Variants in DYM observed in about 807,000 individuals in gnomAD.
DYM encodes the protein dymeclin.
DYM carries 78 observed loss-of-function variants against 93.1 expected under a neutral mutation model. That is an observed-to-expected ratio of 0.84 (90% confidence interval 0.70 to 1.01). DYM has a LOEUF of 1.01. Ranked by LOEUF, DYM falls within the 50% of genes least tolerant of loss-of-function variation. The probability of loss-of-function intolerance (pLI) is 0.00; values close to 1 mark genes in which losing one functional copy is unlikely to be tolerated. For synonymous variants in DYM, 321 were observed against 319.7 expected, an observed-to-expected ratio of 1.00 and a Z score of -0.04; for missense variants, 789 against 845.0, an observed-to-expected ratio of 0.93 and a Z score of 0.82.
chr18:49,177,863 A>G (rs148884519), intron 14 of DYM, among the ~76,000 whole-genome samples: 250 of 152,070 alleles, frequency 1.6e-3, no homozygotes, highest in African/African-American at 5.5e-3. Flanking sequence ...ATGATCCCTC[A>G]TTTTCCTTTT....
In DYM at chr18:49,043,999, A is replaced by G; in HGVS notation, c.*56T>C. ...TGTCTACTTCTGTTACCCAGAAATA[A>G]AAGAACTTGAAGGGCTGCTTGGCTG... is the stretch of plus-strand genomic sequence containing the variant. On this transcript the variant is annotated 3_prime_UTR_variant, in exon 18 of 18. Coordinates refer to ENST00000675505, the MANE Select transcript of DYM (RefSeq NM_001353214.3). 1 of 1,605,074 alleles carries G rather than the reference A, an allele frequency of 6.2e-7. No homozygotes were observed. Among genetic ancestry groups the G allele is most frequent in the South Asian group, 1.1e-5 (1 of 90,126 alleles).
At chr18:49,230,569 G>C (rs2093665851) in intron 13 of DYM, among the ~76,000 whole-genome samples, 2 of 152,122 alleles carry the variant, frequency 1.3e-5, no homozygotes, top group African/African-American at 4.8e-5. Flanking sequence ...CCTGAGAAAA[G>C]CTTACCACAC....
chr18:49,086,033 T>A (rs2078493383), intron 17 of DYM, among the ~76,000 whole-genome samples: 17 of 152,240 alleles, frequency 1.1e-4, no homozygotes. Flanking sequence ...ATCACACAGC[T>A]TAATGTTTCC....
chr18:49,039,016 A>G lies in DYM; in HGVS notation c.*5039T>C, dbSNP rs1032290384. On this transcript the variant is annotated 3_prime_UTR_variant, in exon 18 of 18. Coordinates refer to ENST00000675505, the MANE Select transcript of DYM (RefSeq NM_001353214.3). ...TATGTGTCATTTTCATTGCTCTTCAATCTTTCCTAGGGCTCTGTCCTTACG... is the reference window on the plus strand; with the variant it reads ...TATGTGTCATTTTCATTGCTCTTCAGTCTTTCCTAGGGCTCTGTCCTTACG... Among the ~76,000 whole-genome samples, 4 of 152,150 alleles carry G rather than the reference A, an allele frequency of 2.6e-5. No individual in the cohort carries two copies. Among genetic ancestry groups the G allele is most frequent in the South Asian group, 2.1e-4 (1 of 4,826 alleles).
In DYM at chr18:49,272,185, T is replaced by A. The variant is rs2041405992; in HGVS notation, c.1244A>T (p.His415Leu). The part of the protein sequence containing the change: ...TEDDGFNRSI[H>L]EVILKNITWY... ...CAAGTAATGGTAACTTACCACTTCA[T>A]GAATGGATCTGTTGAAGCCATCATC... The change falls in exon 11 of 18, where the codon CAT becomes CTT. Residue 415 changes from histidine to leucine, a missense_variant. His to Leu is a moderately conservative substitution (Grantham distance 99, BLOSUM62 -3). This residue lies in a region of DYM where 225 missense variants were observed against 303.0 expected (regional missense o/e 0.74). Transcript: ENST00000675505. 1 of 1,612,240 alleles carries A rather than the reference T, an allele frequency of 6.2e-7. No individual in the cohort carries two copies. Among genetic ancestry groups the A allele is most frequent in the Admixed American group, 1.7e-5 (1 of 59,966 alleles).
intron 11 of DYM, among the ~76,000 whole-genome samples, chr18:49,259,486 G>A (rs545193800): frequency 6.6e-6 from 1 of 152,290 alleles, no homozygotes; most frequent in Non-Finnish European, 1.5e-5. Flanking sequence ...GGTAAAATAA[G>A]CTGGGATAGG....
chr18:49,260,331 G>A (rs972767804), intron 11 of DYM, among the ~76,000 whole-genome samples: 4 of 152,294 alleles, frequency 2.6e-5, no homozygotes, highest in East Asian at 3.9e-4. Flanking sequence ...GTAGTGAAAC[G>A]AGATGTTGCC....
At chr18:49,435,046 A>G (rs2080702047) in intron 1 of DYM, among the ~76,000 whole-genome samples, 2 of 151,636 alleles carry the variant, frequency 1.3e-5, no homozygotes, top group African/African-American at 4.8e-5. Flanking sequence ...CATCTCTACT[A>G]AAAATACAAA....
intron 1 of DYM, among the ~76,000 whole-genome samples, chr18:49,454,907 CAAAAAAAAA>C (rs35671085): frequency 1.4e-5 from 1 of 73,232 alleles, no homozygotes; most frequent in Non-Finnish European, 2.6e-5. Context: ...GACTCTGTCT[CAAAAAAAAA>C]AAAAAAAAAA....
At chr18:49,164,187 A>G (rs2145090267) in intron 14 of DYM, among the ~76,000 whole-genome samples, 1 of 152,276 alleles carries the variant, frequency 6.6e-6, no homozygotes, top group South Asian at 2.1e-4. Flanking sequence ...GGACAAGATT[A>G]TTTCTCTACT....
intron 13 of DYM, among the ~76,000 whole-genome samples, chr18:49,237,892 A>C (rs933171403): frequency 5.3e-5 from 8 of 150,092 alleles, no homozygotes; most frequent in Admixed American, 2.0e-4. Context: ...GCCTTCCATC[A>C]GTACCTTACT....
intron 13 of DYM, among the ~76,000 whole-genome samples, chr18:49,217,553 C>G (rs1182453870): frequency 6.6e-6 from 1 of 152,236 alleles, no homozygotes; most frequent in East Asian, 1.9e-4. Context: ...AACAGCGGAT[C>G]TCTCGGCAGA....
At chr18:49,179,602 C>T (rs1232903837) in intron 14 of DYM, among the ~76,000 whole-genome samples, 1 of 152,042 alleles carries the variant, frequency 6.6e-6, no homozygotes, top group Non-Finnish European at 1.5e-5. Flanking sequence ...CTTATAGTTA[C>T]CATCTATAGA....
chr18:49,085,206 C>A (rs2145276611), intron 17 of DYM, among the ~76,000 whole-genome samples: 1 of 152,276 alleles, frequency 6.6e-6, no homozygotes, highest in East Asian at 1.9e-4. Flanking sequence ...TATGTTCCCT[C>A]CAATCTCACT....
chr18:49,137,979 A>G (rs189152003), intron 15 of DYM, among the ~76,000 whole-genome samples: 53 of 152,358 alleles, frequency 3.5e-4, no homozygotes, highest in African/African-American at 1.2e-3. Context: ...TTAGGTGAAC[A>G]AGAAATCTCT....
At chr18:49,234,134 A>G (rs1209008335) in intron 13 of DYM, among the ~76,000 whole-genome samples, 1 of 148,362 alleles carries the variant, frequency 6.7e-6, no homozygotes, top group Non-Finnish European at 1.5e-5. Context: ...ACCTCAAAAC[A>G]ACAACAACAA....
At chr18:49,253,784 A>C (rs2145045761) in intron 13 of DYM, among the ~76,000 whole-genome samples, 1 of 152,302 alleles carries the variant, frequency 6.6e-6, no homozygotes, top group South Asian at 2.1e-4. Context: ...AATTTACCTT[A>C]AATTCTTTTC....
intron 8 of DYM, among the ~76,000 whole-genome samples, chr18:49,307,221 G>A (rs1470914501): frequency 6.6e-6 from 1 of 151,958 alleles, no homozygotes; most frequent in African/African-American, 2.4e-5. Context: ...GTATAATAAT[G>A]GCTTCAACAA....
intron 8 of DYM, among the ~76,000 whole-genome samples, chr18:49,290,779 G>A (rs1364729121): frequency 6.6e-6 from 1 of 152,140 alleles, no homozygotes; most frequent in African/African-American, 2.4e-5. Context: ...CATTCGTCAT[G>A]GAGCAGAGTG....
Sources: gnomAD v4.1 joint callset for allele counts (sites outside exome capture counted in the v4.1 genomes callset) on GRCh38, gnomAD v4.1.1 for gene constraint, gnomAD v4.1.1 regional missense constraint, MANE v1.5 for transcripts, NCBI Gene and HGNC (gene_info 2026-07-23, HGNC 2026-07-21) for gene names.